Variants in DLG2 observed in about 807,000 individuals in gnomAD.
DLG2 encodes the protein discs large MAGUK scaffold protein 2, also known as disks large homolog 2.
Under a neutral mutation model 132.5 loss-of-function variants are expected in DLG2, and 45 were observed. The observed-to-expected ratio is 0.34, with a 90% CI of 0.27 to 0.44. The LOEUF is 0.44. Among genes scored for constraint, DLG2 ranks in the 20% least tolerant of loss-of-function variants. DLG2 has a pLI of 1.00. For synonymous variants in DLG2, 424 were observed against 419.6 expected, an observed-to-expected ratio of 1.01 and a Z score of -0.13; for missense variants, 1,045 against 1,196.9, an observed-to-expected ratio of 0.87 and a Z score of 1.87.
At chr11:84,816,792 A>G (rs1455257979) in intron 6 of DLG2, among the ~76,000 whole-genome samples, 2 of 151,992 alleles carry the variant, frequency 1.3e-5, no homozygotes, top group African/African-American at 4.8e-5. Flanking sequence ...AAATAATAAT[A>G]TACATGAAAT....
intron 10 of DLG2, among the ~76,000 whole-genome samples, chr11:84,084,053 T>C (rs1478227414): frequency 1.3e-5 from 2 of 152,154 alleles, no homozygotes; most frequent in East Asian, 3.9e-4. Context: ...TGAACCTTTC[T>C]CCACAGTTCA....
At chr11:85,140,812 A>G (rs747492989) in intron 5 of DLG2, among the ~76,000 whole-genome samples, 1 of 151,906 alleles carries the variant, frequency 6.6e-6, no homozygotes, top group Non-Finnish European at 1.5e-5. Flanking sequence ...GTTTAGCCAC[A>G]TATGACACAG....
At chr11:84,273,305 G>GC in intron 7 of DLG2, 1 of 436,308 alleles carries the variant, frequency 2.3e-6, no homozygotes, top group Non-Finnish European at 2.9e-6. Context: ...CAGTTGAAGA[G>GC]GAAAAAAAAA....
chr11:85,364,403 A>T (rs2084380784), intron 3 of DLG2, among the ~76,000 whole-genome samples: 1 of 152,196 alleles, frequency 6.6e-6, no homozygotes, highest in African/African-American at 2.4e-5. Context: ...CCCTTAACTA[A>T]TAATTGACAG....
intron 6 of DLG2, among the ~76,000 whole-genome samples, chr11:85,019,895 C>A (rs1394415221): frequency 6.6e-6 from 1 of 152,174 alleles, no homozygotes; most frequent in African/African-American, 2.4e-5. Flanking sequence ...GGTTCCAGTT[C>A]TTTGCTATCG....
At chr11:85,079,637 G>A (rs190803655) in intron 6 of DLG2, among the ~76,000 whole-genome samples, 5 of 152,064 alleles carry the variant, frequency 3.3e-5, no homozygotes, top group African/African-American at 7.2e-5. Context: ...TGGTGGGACC[G>A]CTATGGCCAA....
At chr11:85,608,549 C>T (rs1468543609) in intron 2 of DLG2, among the ~76,000 whole-genome samples, 1 of 152,058 alleles carries the variant, frequency 6.6e-6, no homozygotes, top group African/African-American at 2.4e-5. Flanking sequence ...TTCAGCTTAC[C>T]CTCATATCCT....
At chr11:85,415,698 T>C (rs1597122687) in intron 3 of DLG2, among the ~76,000 whole-genome samples, 1 of 150,128 alleles carries the variant, frequency 6.7e-6, no homozygotes, top group Non-Finnish European at 1.5e-5. Flanking sequence ...CCACTTTTTG[T>C]TGGGTTTTTT....
intron 15 of DLG2, among the ~76,000 whole-genome samples, chr11:83,903,381 G>A (rs927421455): frequency 1.3e-5 from 2 of 152,074 alleles, no homozygotes; most frequent in Non-Finnish European, 2.9e-5. Context: ...TATGTACAGA[G>A]CTTCATCTGA....
intron 18 of DLG2, chr11:83,651,714 C>A (rs770114100): frequency 2.9e-6 from 1 of 339,448 alleles, no homozygotes; most frequent in Non-Finnish European, 6.3e-6. Flanking sequence ...AAAGAGAATG[C>A]CCTCGGAAGT....
chr11:84,768,640 A>G (rs546097566), intron 6 of DLG2, among the ~76,000 whole-genome samples: 3 of 152,310 alleles, frequency 2.0e-5, no homozygotes, highest in African/African-American at 7.2e-5. Flanking sequence ...AGAGGAAGTC[A>G]AAGTAAAGGA....
chr11:84,495,928 A>G (rs147114565), intron 7 of DLG2, among the ~76,000 whole-genome samples: 66 of 152,238 alleles, frequency 4.3e-4, no homozygotes, highest in Non-Finnish European at 8.7e-4. Context: ...ATGCTTCTCA[A>G]TTTCTCCCCA....
intron 6 of DLG2, among the ~76,000 whole-genome samples, chr11:84,773,306 T>G (rs914615377): frequency 9.2e-5 from 14 of 151,912 alleles, no homozygotes; most frequent in Admixed American, 3.9e-4. Context: ...CAACCAGAAA[T>G]AGCCCTGGAG....
intron 3 of DLG2, among the ~76,000 whole-genome samples, chr11:85,396,700 A>C (rs1203710638): frequency 6.6e-6 from 1 of 152,228 alleles, no homozygotes; most frequent in Non-Finnish European, 1.5e-5. Flanking sequence ...CAAATTAATG[A>C]AATAAACTGA....
At chr11:85,413,490 T>C (rs943964617) in intron 3 of DLG2, among the ~76,000 whole-genome samples, 6 of 152,004 alleles carry the variant, frequency 3.9e-5, no homozygotes, top group Non-Finnish European at 8.8e-5. Context: ...AGCCAATGTC[T>C]AGAAGGATTT....
chr11:83,927,344 C>G (rs1043189131), intron 15 of DLG2, among the ~76,000 whole-genome samples: 1 of 152,032 alleles, frequency 6.6e-6, no homozygotes, highest in Non-Finnish European at 1.5e-5. Context: ...TTGCTTGAGT[C>G]TTATGAAAAA....
In DLG2 at chr11:83,568,259, G is replaced by A. The variant is rs548383487; in HGVS notation, c.1941-26401C>T. 2.0e-5 allele frequency among the ~76,000 whole-genome samples: 3 copies of A among 152,232 alleles called. No individual in the cohort carries two copies. In the South Asian group the frequency reaches 6.2e-4, roughly 32 times the overall value. On this transcript the variant is annotated intron_variant, in intron 19 of 27. Coordinates refer to ENST00000376104, the MANE Select transcript of DLG2 (RefSeq NM_001142699.3). The stretch of plus-strand genomic sequence containing the variant: ...GTGAATTATTGAATGAGGATAGGAA[G>A]AGAAAGGGAAGTATCAGGGATGATG...
chr11:83,784,054 G>A (rs957552898), intron 18 of DLG2, among the ~76,000 whole-genome samples: 1 of 152,124 alleles, frequency 6.6e-6, no homozygotes, highest in Non-Finnish European at 1.5e-5. Flanking sequence ...GGAAATTTTT[G>A]ATAAAGCATT....
chr11:85,452,635 C>G (rs965623668), intron 3 of DLG2: 1 of 198,172 alleles, frequency 5.0e-6, no homozygotes. Flanking sequence ...TGGACCATCT[C>G]CATACTGTGT....
Sources: allele counts gnomAD v4.1 joint callset (sites outside exome capture counted in the v4.1 genomes callset), GRCh38; gene constraint gnomAD v4.1.1; transcripts MANE v1.5; gene names NCBI Gene and HGNC (gene_info 2026-07-23, HGNC 2026-07-21).